Variants in PTDSS1 observed in about 807,000 individuals in gnomAD.
The protein encoded by PTDSS1 is phosphatidylserine synthase 1.
In PTDSS1, 45 loss-of-function variants were observed where a neutral mutation model predicts 70.5. The observed-to-expected ratio is 0.64, with a 90% CI of 0.50 to 0.82. The LOEUF (loss-of-function observed/expected upper bound fraction) is 0.82, where lower values mean the gene tolerates loss of function less well. Among genes scored for constraint, PTDSS1 ranks in the 40% least tolerant of loss-of-function variants. The pLI is 0.00. For synonymous variants in PTDSS1, 188 were observed against 203.8 expected, an observed-to-expected ratio of 0.92 and a Z score of 0.66; for missense variants, 417 against 586.1, an observed-to-expected ratio of 0.71 and a Z score of 2.98.
intron 5 of PTDSS1, 34 bp downstream of exon 5, chr8:96,295,290 G>C (rs776439907): frequency 6.3e-7 from 1 of 1,587,296 alleles, no homozygotes; most frequent in African/African-American, 1.4e-5. Flanking sequence ...TCCCCAGACT[G>C]TGCCATGTGT....
At chr8:96,317,347 CCA>C (rs1336181876) in intron 9 of PTDSS1, among the ~76,000 whole-genome samples, 1 of 152,008 alleles carries the variant, frequency 6.6e-6, no homozygotes, top group East Asian at 1.9e-4. Flanking sequence ...TGAGATGTGC[CCA>C]CACACACGGA....
chr8:96,302,281 C>T (rs907078879), intron 6 of PTDSS1, among the ~76,000 whole-genome samples: 3 of 152,122 alleles, frequency 2.0e-5, no homozygotes, highest in Admixed American at 1.3e-4. Context: ...ATCTGCCTTA[C>T]TCGGCCTCCC....
intron 6 of PTDSS1, among the ~76,000 whole-genome samples, chr8:96,303,756 G>T (rs1811082578): frequency 6.6e-6 from 1 of 152,332 alleles, no homozygotes; most frequent in East Asian, 1.9e-4. Context: ...TGTGGGTGAT[G>T]CAAGAATATG....
chr8:96,308,103 A>C (rs1811151209), intron 8 of PTDSS1, among the ~76,000 whole-genome samples: 1 of 152,216 alleles, frequency 6.6e-6, no homozygotes, highest in Non-Finnish European at 1.5e-5. Flanking sequence ...TTAGGTCCCG[A>C]GAGGAGAGAG....
At position 96,276,256 on chromosome 8, in the gene PTDSS1, GT is replaced by G. The variant is rs1184465384; in HGVS notation, c.271+2871del. On this transcript the variant is annotated intron_variant, in intron 2 of 12. Transcript: ENST00000517309. ...GAGTATTGGGGCTTCATTAGCTGATGTTTTTCTTGAGGTACCAAAGGCACTG... is the reference window on the plus strand; with the variant it reads ...GAGTATTGGGGCTTCATTAGCTGATGTTTTCTTGAGGTACCAAAGGCACTG... 2.0e-5 allele frequency among the ~76,000 whole-genome samples: 3 copies of G among 152,332 alleles called. No homozygotes were observed. The East Asian group carries it at 5.8e-4, about 29-fold the overall frequency.
intron 10 of PTDSS1, 26 bp from the exon 11 acceptor site, chr8:96,330,187 C>T: frequency 6.3e-7 from 1 of 1,592,818 alleles, no homozygotes; most frequent in Non-Finnish European, 8.6e-7. Context: ...CTTTTTTGTG[C>T]AGCATCATTT....
chr8:96,293,859 C>T (rs531392981), intron 4 of PTDSS1, among the ~76,000 whole-genome samples: 1 of 151,942 alleles, frequency 6.6e-6, no homozygotes, highest in South Asian at 2.1e-4. Flanking sequence ...TTGAGGTTGA[C>T]TGGACGTGGC....
At chr8:96,323,490 A>G (rs568797397) in intron 10 of PTDSS1, among the ~76,000 whole-genome samples, 2 of 152,238 alleles carry the variant, frequency 1.3e-5, no homozygotes, top group East Asian at 1.9e-4. Context: ...ACCATGGGTT[A>G]TAGCTTATCC....
At chr8:96,276,964 ACGCG>A (rs145783893) in intron 2 of PTDSS1, among the ~76,000 whole-genome samples, 2 of 127,672 alleles carry the variant, frequency 1.6e-5, no homozygotes, top group Non-Finnish European at 3.4e-5. Context: ...GGGCACATAC[ACGCG>A]CGCACGCGCG....
intron 6 of PTDSS1, among the ~76,000 whole-genome samples, chr8:96,302,812 C>T (rs931274913): frequency 1.3e-5 from 2 of 152,084 alleles, no homozygotes; most frequent in South Asian, 2.1e-4. Flanking sequence ...AAACTCCTGA[C>T]CTCAAGTGAT....
chr8:96,331,255 C>T (rs577901290), intron 12 of PTDSS1, among the ~76,000 whole-genome samples, 160 bp downstream of exon 12: 15 of 152,208 alleles, frequency 9.9e-5, no homozygotes, highest in South Asian at 4.1e-4. Context: ...TGGCTGGGCA[C>T]GGTGGCTCAC....
intron 9 of PTDSS1, among the ~76,000 whole-genome samples, chr8:96,310,354 G>A (rs1024793693): frequency 4.0e-5 from 6 of 151,422 alleles, no homozygotes; most frequent in Non-Finnish European, 7.4e-5. Flanking sequence ...CAGTAGAGAC[G>A]GGGTTTCACC....
chr8:96,309,362 C>T, intron 8 of PTDSS1, 195 bp from the exon 9 acceptor site: 1 of 488,992 alleles, frequency 2.0e-6, no homozygotes, highest in South Asian at 3.9e-5. Context: ...CTGCCTCCAG[C>T]CTAACCCAAA....
At chr8:96,317,071 G>GTGTGTGTGTATA (rs33916906) in intron 9 of PTDSS1, among the ~76,000 whole-genome samples, 12 of 148,620 alleles carry the variant, frequency 8.1e-5, no homozygotes, top group African/African-American at 2.8e-4. Flanking sequence ...GTGTGTGTGT[G>GTGTGTGTGTATA]TATATATATA....
At chr8:96,265,612 A>C (rs998069017) in intron 1 of PTDSS1, among the ~76,000 whole-genome samples, 4 of 152,006 alleles carry the variant, frequency 2.6e-5, no homozygotes, top group Non-Finnish European at 4.4e-5. Flanking sequence ...ACAAAACAAA[A>C]CAAAACAAAA....
chr8:96,330,330 G>A (rs774424147), intron 11 of PTDSS1, 49 bp downstream of exon 11: 4 of 1,551,030 alleles, frequency 2.6e-6, no homozygotes, highest in Non-Finnish European at 3.5e-6. Flanking sequence ...AATCACCCCG[G>A]GCTCGGCAAA....
chr8:96,311,977 T>C lies in PTDSS1; in HGVS notation c.1073+2355T>C, dbSNP rs112514473. Among the ~76,000 whole-genome samples the C allele has an allele frequency of 7.3e-3, 1,107 of 152,358 alleles. 19 individuals carry two copies. Among genetic ancestry groups the C allele is most frequent in the African/African-American group, 0.025 (1,037 of 41,590 alleles). On this transcript the variant is annotated intron_variant, in intron 9 of 12. Transcript: ENST00000517309. ...CATTCTTTCCACGTGCATTTTGCTTTCATATTTAAAAGTCCTTAGCAAGGT... is the reference window on the plus strand; with the variant it reads ...CATTCTTTCCACGTGCATTTTGCTTCCATATTTAAAAGTCCTTAGCAAGGT...
At chr8:96,278,331 G>T (rs971767609) in intron 2 of PTDSS1, among the ~76,000 whole-genome samples, 3 of 152,184 alleles carry the variant, frequency 2.0e-5, no homozygotes, top group African/African-American at 7.2e-5. Context: ...GATTACCTCT[G>T]CTGGTTTAGA....
intron 2 of PTDSS1, among the ~76,000 whole-genome samples, chr8:96,274,884 C>A (rs1000538961): frequency 2.0e-5 from 3 of 152,134 alleles, no homozygotes; most frequent in African/African-American, 7.2e-5. Context: ...GACTCTGAAT[C>A]TCTCAGAGAA....
Sources: gnomAD v4.1 joint callset for allele counts (sites outside exome capture counted in the v4.1 genomes callset) on GRCh38, gnomAD v4.1.1 for gene constraint, MANE v1.5 for transcripts, NCBI Gene and HGNC (gene_info 2026-07-23, HGNC 2026-07-21) for gene names.